Variants in ST8SIA2 observed in about 807,000 individuals in gnomAD.
ST8SIA2 encodes the protein ST8 alpha-N-acetyl-neuraminide alpha-2,8-sialyltransferase 2, also known as alpha-2,8-sialyltransferase 8B.
A neutral mutation model predicts 37.6 loss-of-function variants in ST8SIA2; 22 were observed. The observed-to-expected ratio is 0.58, with a 90% CI of 0.42 to 0.83. The LOEUF (loss-of-function observed/expected upper bound fraction) is 0.83, where lower values mean the gene tolerates loss of function less well. Ranked by LOEUF, ST8SIA2 falls within the 40% of genes least tolerant of loss-of-function variation. The probability of loss-of-function intolerance (pLI) is 0.00; values close to 1 mark genes in which losing one functional copy is unlikely to be tolerated. For missense variants in ST8SIA2, 382 were observed against 484.7 expected, an observed-to-expected ratio of 0.79 and a Z score of 1.99; for synonymous variants, 205 against 201.2, an observed-to-expected ratio of 1.02 and a Z score of -0.16.
At chr15:92,406,357 A>T (rs2049507924) in intron 1 of ST8SIA2, among the ~76,000 whole-genome samples, 1 of 152,140 alleles carries the variant, frequency 6.6e-6, no homozygotes, top group African/African-American at 2.4e-5. Context: ...CTGCTGGCCC[A>T]TTTCAGGACC....
Position 92,464,868 on chromosome 15 carries a change from G to A in ST8SIA2, c.*483G>A, listed in dbSNP as rs1016143469. On this transcript the variant is annotated 3_prime_UTR_variant, in exon 6 of 6. Coordinates refer to ENST00000268164, the MANE Select transcript of ST8SIA2 (RefSeq NM_006011.4). ...CCAGTCTAAAGTGGGTGCCATTCACGGAGGAGAGGGAGGTTGGAGACTTCA... is the reference window on the plus strand; with the variant it reads ...CCAGTCTAAAGTGGGTGCCATTCACAGAGGAGAGGGAGGTTGGAGACTTCA... 1.7e-5 allele frequency: 3 copies of A among 176,136 alleles called. No individual in the cohort carries two copies. The highest frequency in any genetic ancestry group is 3.6e-5 in the Non-Finnish European group (3 of 82,368). The allele number at this position is 176,136 out of a possible 1,614,324, so 10.9% of individuals were successfully genotyped here. A position where few individuals can be genotyped will look rare whatever the true frequency, so the allele number is the denominator to read the frequency against.
rs1215627722 is a variant in ST8SIA2, at chr15:92,429,966, G to T, written c.99-83G>T. 4 of 1,442,602 alleles carry T rather than the reference G, an allele frequency of 2.8e-6. No homozygotes were observed. The African/African-American group carries it at 5.6e-5, about 20-fold the overall frequency. The allele number at this position is 1,442,602 out of a possible 1,614,324, so 89.4% of individuals were successfully genotyped here. A position where few individuals can be genotyped will look rare whatever the true frequency, so the allele number is the denominator to read the frequency against. ...TCCACCCTCTGTAGTTTTCCAGGTG[G>T]GCTATGGGATCTCCTGGCAATTGAA... On this transcript the variant is annotated intron_variant, in intron 1 of 5. Coordinates refer to ENST00000268164, the MANE Select transcript of ST8SIA2 (RefSeq NM_006011.4).
chr15:92,395,171 C>G (rs748876165), intron 1 of ST8SIA2, among the ~76,000 whole-genome samples: 1 of 152,250 alleles, frequency 6.6e-6, no homozygotes, highest in East Asian at 1.9e-4. Flanking sequence ...TGAGGAGGCC[C>G]GAGGAGAGCT....
intron 1 of ST8SIA2, among the ~76,000 whole-genome samples, chr15:92,428,808 A>G (rs1404275845): frequency 6.6e-6 from 1 of 152,260 alleles, no homozygotes; most frequent in African/African-American, 2.4e-5. Flanking sequence ...AAAGTGAGAC[A>G]CTGGGTAGGT....
intron 4 of ST8SIA2, among the ~76,000 whole-genome samples, chr15:92,440,161 C>A (rs547497517): frequency 4.0e-4 from 61 of 152,320 alleles, no homozygotes; most frequent in African/African-American, 1.4e-3. Flanking sequence ...CTCTGCTACC[C>A]ATTTGTCACA....
chr15:92,422,868 GT>G (rs776416067), intron 1 of ST8SIA2: 1 of 152,344 alleles, frequency 6.6e-6, no homozygotes, highest in Non-Finnish European at 1.5e-5. Flanking sequence ...CTAATCATCT[GT>G]GCTCAAGACT....
intron 1 of ST8SIA2, among the ~76,000 whole-genome samples, chr15:92,428,735 G>T (rs748495670): frequency 6.6e-6 from 1 of 152,156 alleles, no homozygotes; most frequent in African/African-American, 2.4e-5. Context: ...AAGACCCAAC[G>T]TTACTCTTTG....
chr15:92,446,387 A>G (rs1235100970), intron 5 of ST8SIA2, among the ~76,000 whole-genome samples: 3 of 152,216 alleles, frequency 2.0e-5, no homozygotes, highest in Non-Finnish European at 2.9e-5. Flanking sequence ...TAGACCACAT[A>G]GTGTCACTTC....
intron 3 of ST8SIA2, among the ~76,000 whole-genome samples, chr15:92,436,849 CT>C (rs1431599027): frequency 6.6e-6 from 1 of 152,330 alleles, no homozygotes; most frequent in East Asian, 1.9e-4. Flanking sequence ...TAGCTGCCCC[CT>C]GGCTGCCCCG....
In ST8SIA2 at chr15:92,437,173, T is replaced by A. The variant is rs377723760; in HGVS notation, c.291-1180T>A. Among the ~76,000 whole-genome samples, 14 of 152,304 alleles carry A rather than the reference T, an allele frequency of 9.2e-5. No homozygotes were observed. The East Asian group carries it at 2.5e-3, about 27-fold the overall frequency. On this transcript the variant is annotated intron_variant, in intron 3 of 5. Transcript: ENST00000268164. ...AGGACTCTGAAAACAAAGAACAGCA[T>A]CTTTGTATCTGTTCTAGATAGGAAT...
At position 92,452,127 on chromosome 15, in the gene ST8SIA2, C is replaced by T. The variant is rs139566012; in HGVS notation, c.842+7198C>T. Among the ~76,000 whole-genome samples, 882 of 152,240 alleles carry T rather than the reference C, an allele frequency of 5.8e-3. 13 individuals are homozygous for T. Among genetic ancestry groups the T allele is most frequent in the African/African-American group, 0.019 (796 of 41,544 alleles). On this transcript the variant is annotated intron_variant, in intron 5 of 5. Transcript: ENST00000268164. ...TGAGTCTTTTACTTGGATAGGGGAA[C>T]GGGGCCTTTGGGTTCTTTACTGACA... is the stretch of plus-strand genomic sequence containing the variant.
intron 5 of ST8SIA2, among the ~76,000 whole-genome samples, chr15:92,449,643 C>T (rs1340699627): frequency 6.6e-6 from 1 of 152,206 alleles, no homozygotes; most frequent in Non-Finnish European, 1.5e-5. Context: ...TCTCTTTTCT[C>T]CACATCCTCA....
intron 1 of ST8SIA2, among the ~76,000 whole-genome samples, chr15:92,411,071 C>G (rs2049545169): frequency 6.6e-6 from 1 of 152,194 alleles, no homozygotes; most frequent in Non-Finnish European, 1.5e-5. Context: ...CTGAAGAACT[C>G]AGACTTGATT....
chr15:92,410,009 T>C (rs2049537993), intron 1 of ST8SIA2, among the ~76,000 whole-genome samples: 1 of 152,256 alleles, frequency 6.6e-6, no homozygotes, highest in Non-Finnish European at 1.5e-5. Context: ...GGTGAGAGTT[T>C]CGGGGTCTGG....
At chr15:92,459,992 C>T (rs182345701) in intron 5 of ST8SIA2, among the ~76,000 whole-genome samples, 183 of 152,286 alleles carry the variant, frequency 1.2e-3, no homozygotes, top group Non-Finnish European at 1.6e-3. Context: ...GTCACGATGC[C>T]CCAGTCCTCA....
At chr15:92,415,171 A>G (rs1305173789) in intron 1 of ST8SIA2, among the ~76,000 whole-genome samples, 2 of 152,146 alleles carry the variant, frequency 1.3e-5, no homozygotes, top group Non-Finnish European at 2.9e-5. Context: ...CTTAGGAAGC[A>G]TAGAACTCCT....
At chr15:92,416,491 A>G (rs1024263137) in intron 1 of ST8SIA2, among the ~76,000 whole-genome samples, 1 of 152,158 alleles carries the variant, frequency 6.6e-6, no homozygotes, top group Non-Finnish European at 1.5e-5. Flanking sequence ...CACTCACACC[A>G]ACCCCAGCAT....
At chr15:92,400,223 T>C (rs1453244897) in intron 1 of ST8SIA2, among the ~76,000 whole-genome samples, 1 of 152,198 alleles carries the variant, frequency 6.6e-6, no homozygotes, top group Non-Finnish European at 1.5e-5. Context: ...CTGCATTGGT[T>C]GCCCCTCCTG....
Position 92,438,606 on chromosome 15 carries a change from A to C in ST8SIA2, c.544A>C (p.Ile182Leu). The change falls in exon 4 of 6, where the codon ATC becomes CTC. Residue 182 changes from isoleucine to leucine, a missense_variant. Coordinates refer to ENST00000268164, the MANE Select transcript of ST8SIA2 (RefSeq NM_006011.4). Reference sequence around the variant, plus strand: ...GGAGATTGACGCCCACAGCTTCGTCATCAGGTAACATGCCCCAGCAGGCAC... The same window carrying C: ...GGAGATTGACGCCCACAGCTTCGTCCTCAGGTAACATGCCCCAGCAGGCAC... Reference protein sequence around the residue: ...GQEIDAHSFVIRCNLAPVQEY... With the variant: ...GQEIDAHSFVLRCNLAPVQEY... The C allele has an allele frequency of 6.2e-7, 1 of 1,605,580 alleles. No individual in the cohort carries two copies. The highest frequency in any genetic ancestry group is 8.5e-7 in the Non-Finnish European group (1 of 1,175,230).
Sources: allele counts gnomAD v4.1 joint callset (sites outside exome capture counted in the v4.1 genomes callset), GRCh38; gene constraint gnomAD v4.1.1; transcripts MANE v1.5; gene names NCBI Gene and HGNC (gene_info 2026-07-23, HGNC 2026-07-21).